The following VTCN1 variants were observed in gnomAD, a reference collection of about 807,000 sequenced individuals.
The protein encoded by VTCN1 is V-set domain-containing T-cell activation inhibitor 1.
VTCN1 carries 26 observed loss-of-function variants against 26.5 expected under a neutral mutation model. That is an observed-to-expected ratio of 0.98 (90% confidence interval 0.72 to 1.36). The LOEUF is 1.36. VTCN1 is among the 40% of genes most tolerant of loss of function. The pLI, the probability that VTCN1 is intolerant of heterozygous loss-of-function variation, is 0.00. For synonymous variants in VTCN1, 116 were observed against 130.7 expected (o/e 0.89, Z 0.77); for missense variants, 298 against 337.7 (o/e 0.88, Z 0.92).
chr1:117,152,629 A>G (rs989363049), intron 4 of VTCN1, among the ~76,000 whole-genome samples: 4 of 152,196 alleles, frequency 2.6e-5, no homozygotes, highest in Admixed American at 2.6e-4. Flanking sequence ...GAATAAAACT[A>G]AGTCAGACTC....
At chr1:117,194,247 T>C (rs980045209) in intron 1 of VTCN1, among the ~76,000 whole-genome samples, 5 of 152,074 alleles carry the variant, frequency 3.3e-5, no homozygotes, top group Admixed American at 3.3e-4. Context: ...GATACGTAAA[T>C]GGCTAACGGG....
chr1:117,200,545 C>G (rs1648740026), intron 1 of VTCN1, among the ~76,000 whole-genome samples: 1 of 152,164 alleles, frequency 6.6e-6, no homozygotes, highest in Admixed American at 6.5e-5. Flanking sequence ...GTAAACATTA[C>G]CCTTTGAATA....
intron 2 of VTCN1, among the ~76,000 whole-genome samples, chr1:117,158,597 A>G (rs1403356564): frequency 6.6e-6 from 1 of 152,064 alleles, no homozygotes; most frequent in Non-Finnish European, 1.5e-5. Flanking sequence ...AGCCATGAAG[A>G]CCTCTGACAT....
At chr1:117,210,540 C>T (rs561660428) in intron 1 of VTCN1, among the ~76,000 whole-genome samples, 7 of 152,324 alleles carry the variant, frequency 4.6e-5, no homozygotes, top group African/African-American at 9.6e-5. Context: ...CAGCTTGGCA[C>T]GTACTCCCCT....
Position 117,145,454 on chromosome 1 carries a change from C to A in VTCN1, c.*46-229G>T, listed in dbSNP as rs1440980439. Among the ~76,000 whole-genome samples the A allele has an allele frequency of 6.6e-6, 1 of 152,046 alleles. No individual in the cohort carries two copies. The highest frequency in any genetic ancestry group is 1.9e-4 in the East Asian group (1 of 5,198). On this transcript the variant is annotated intron_variant, in intron 5 of 5. Coordinates refer to ENST00000369458, the MANE Select transcript of VTCN1 (RefSeq NM_024626.4). The surrounding 1 kb of genome is among the most constrained non-coding windows in gnomAD (Gnocchi z 4.6). ...AACGGGGTATCATCCCAGTGGCAGT[C>A]TCAAGGAAGAGAAGAGATGGGTCCT...
chr1:117,179,258 G>A (rs747150850), intron 1 of VTCN1, among the ~76,000 whole-genome samples: 1 of 152,154 alleles, frequency 6.6e-6, no homozygotes, highest in Non-Finnish European at 1.5e-5. Context: ...CACTACCCTT[G>A]CTGTGTCGAC....
chr1:117,203,195 T>A (rs1648873379), intron 1 of VTCN1, among the ~76,000 whole-genome samples: 1 of 152,024 alleles, frequency 6.6e-6, no homozygotes, highest in African/African-American at 2.4e-5. Context: ...TGTCTGCTGG[T>A]TTCTCTTTTC....
chr1:117,163,005 A>G (rs1652446207), intron 2 of VTCN1, among the ~76,000 whole-genome samples: 2 of 152,258 alleles, frequency 1.3e-5, no homozygotes, highest in South Asian at 4.1e-4. Flanking sequence ...GATGGTCACC[A>G]GCATCTGCTA....
intron 1 of VTCN1, among the ~76,000 whole-genome samples, chr1:117,173,491 T>G (rs556224389): frequency 1.1e-3 from 175 of 152,304 alleles, no homozygotes; most frequent in African/African-American, 4.1e-3. Context: ...GGATTCTCTT[T>G]CACTGCTCTC....
chr1:117,197,536 A>G (rs1425278214), intron 1 of VTCN1, among the ~76,000 whole-genome samples: 1 of 152,086 alleles, frequency 6.6e-6, no homozygotes, highest in Non-Finnish European at 1.5e-5. Flanking sequence ...ACGACTTTGA[A>G]CCTTTACTTC....
chr1:117,206,148 ATTTT>A (rs34913979), intron 1 of VTCN1, among the ~76,000 whole-genome samples: 2 of 148,394 alleles, frequency 1.3e-5, no homozygotes, highest in East Asian at 2.0e-4. Flanking sequence ...TATTATTATC[ATTTT>A]TTTTTTTTTT....
At chr1:117,168,798 G>T (rs1363057610) in intron 2 of VTCN1, among the ~76,000 whole-genome samples, 1 of 151,922 alleles carries the variant, frequency 6.6e-6, no homozygotes, top group African/African-American at 2.4e-5. Flanking sequence ...GTCTCTTTTT[G>T]TTGCCCAGGT....
chr1:117,200,913 C>G (rs867635293), intron 1 of VTCN1, among the ~76,000 whole-genome samples: 1 of 152,206 alleles, frequency 6.6e-6, no homozygotes, highest in East Asian at 1.9e-4. Flanking sequence ...CCAGCTACTA[C>G]GCCAGGCTAA....
At chr1:117,170,937 T>C (rs540284133) in intron 1 of VTCN1, among the ~76,000 whole-genome samples, 35 of 152,306 alleles carry the variant, frequency 2.3e-4, no homozygotes, top group South Asian at 8.3e-4. Context: ...TTGCTGCACC[T>C]ATCAACCCGT....
chr1:117,173,901 G>A (rs893442404), intron 1 of VTCN1, among the ~76,000 whole-genome samples: 3 of 152,090 alleles, frequency 2.0e-5, no homozygotes, highest in East Asian at 3.9e-4. Flanking sequence ...CGTTTCCCTC[G>A]CTGTGAAAAC....
At position 117,156,583 on chromosome 1, in the gene VTCN1, T is replaced by C; in HGVS notation, c.436A>G (p.Lys146Glu). The C allele has an allele frequency of 1.3e-6, 2 of 1,582,584 alleles. No homozygotes were observed. The highest frequency in any genetic ancestry group is 1.7e-6 in the Non-Finnish European group (2 of 1,165,420). ...KGKGNANLEY[K>E]TGAFSMPEVN... ...TCCAAAAGTAACTCACCTCCAGTTT[T>C]ATACTCAAGGTTAGCATTCCCCTTG... Residue 146 changes from lysine (K) to glutamate (E), a missense_variant, in exon 3 of 6, where the codon AAA becomes GAA. Lys to Glu is a moderately conservative substitution (Grantham distance 56). Transcript: ENST00000369458.
At chr1:117,195,134 C>A (rs929824965) in intron 1 of VTCN1, among the ~76,000 whole-genome samples, 17 of 151,538 alleles carry the variant, frequency 1.1e-4, no homozygotes, top group Non-Finnish European at 1.9e-4. Flanking sequence ...TGATGGAGGG[C>A]GCCTGTAGTA....
intron 1 of VTCN1, among the ~76,000 whole-genome samples, chr1:117,191,998 A>C (rs1011658417): frequency 3.4e-5 from 5 of 147,762 alleles, no homozygotes; most frequent in Non-Finnish European, 7.4e-5. Context: ...AAATTTCCCA[A>C]TTCTTAGGAG....
chr1:117,151,300 T>C (rs189044169), intron 4 of VTCN1, among the ~76,000 whole-genome samples: 1 of 152,128 alleles, frequency 6.6e-6, no homozygotes, highest in Non-Finnish European at 1.5e-5. Context: ...AGTTGTTTGT[T>C]CCTCCCAGTG....
Sources: gnomAD v4.1 joint callset for allele counts (sites outside exome capture counted in the v4.1 genomes callset) on GRCh38, gnomAD v4.1.1 for gene constraint, Gnocchi (gnomAD v3.1) non-coding constraint, MANE v1.5 for transcripts, NCBI Gene and HGNC (gene_info 2026-07-23, HGNC 2026-07-21) for gene names.